ADAMTS17: variants seen among roughly 807,000 people sequenced by gnomAD.
ADAMTS17 encodes the protein A disintegrin and metalloproteinase with thrombospondin motifs 17.
In ADAMTS17, 113 loss-of-function variants were observed where a neutral mutation model predicts 141.5. The observed-to-expected ratio is 0.80, with a 90% CI of 0.69 to 0.93. The LOEUF (loss-of-function observed/expected upper bound fraction) is 0.93, where lower values mean the gene tolerates loss of function less well. Ranked by LOEUF, ADAMTS17 falls within the 40% of genes least tolerant of loss-of-function variation. The pLI, the probability that ADAMTS17 is intolerant of heterozygous loss-of-function variation, is 0.00. For synonymous variants in ADAMTS17, 768 were observed against 630.6 expected (o/e 1.22, Z -3.27); for missense variants, 1,659 against 1,517.9 (o/e 1.09, Z -1.54).
chr15:100,170,969 T>C (rs2040137179), intron 8 of ADAMTS17, among the ~76,000 whole-genome samples: 1 of 152,172 alleles, frequency 6.6e-6, no homozygotes, highest in Admixed American at 6.5e-5. Context: ...GGTTGTGAGA[T>C]GAAAATTGAG....
intron 7 of ADAMTS17, among the ~76,000 whole-genome samples, chr15:100,230,738 A>G (rs2042454330): frequency 6.6e-6 from 1 of 152,216 alleles, no homozygotes; most frequent in Admixed American, 6.5e-5. Context: ...GAAGGCACCA[A>G]TAGTGGGTAA....
At chr15:100,174,336 G>T (rs1371467529) in intron 8 of ADAMTS17, among the ~76,000 whole-genome samples, 1 of 150,878 alleles carries the variant, frequency 6.6e-6, no homozygotes, top group East Asian at 1.9e-4. Flanking sequence ...TAGATAGTCT[G>T]CCCTGACAGG....
At chr15:100,233,549 T>A (rs947913447) in intron 7 of ADAMTS17, among the ~76,000 whole-genome samples, 1 of 152,138 alleles carries the variant, frequency 6.6e-6, no homozygotes, top group African/African-American at 2.4e-5. Context: ...GTTGTATTAA[T>A]AAAACTCATT....
intron 15 of ADAMTS17, among the ~76,000 whole-genome samples, chr15:100,065,206 C>G (rs1412258625): frequency 6.6e-6 from 1 of 152,066 alleles, no homozygotes; most frequent in African/African-American, 2.4e-5. Context: ...TGGTGACCAG[C>G]CTTTTCAACA....
chr15:100,229,032 C>T (rs1367116955), intron 7 of ADAMTS17, among the ~76,000 whole-genome samples: 1 of 152,190 alleles, frequency 6.6e-6, no homozygotes, highest in Non-Finnish European at 1.5e-5. Flanking sequence ...ATTTGGGCCC[C>T]CTTCTCCAAT....
rs145518194 is a variant in ADAMTS17 at position 99,992,384 on chromosome 15, A to G, written c.2949+664T>C. Among the ~76,000 whole-genome samples, 1,314 of 152,296 alleles carry G rather than the reference A, an allele frequency of 8.6e-3. 30 individuals carry two copies. Among genetic ancestry groups the G allele is most frequent in the African/African-American group, 0.029 (1,206 of 41,554 alleles). On this transcript the variant is annotated intron_variant, in intron 20 of 21. Transcript: ENST00000268070. ...GGAGGAGTGGTACAGATTTTGTGAG[A>G]AGAGTCTAGAAAACCCACTAGAAGG... is the stretch of plus-strand genomic sequence containing the variant.
At chr15:100,041,812 C>T (rs2031282230) in intron 18 of ADAMTS17, among the ~76,000 whole-genome samples, 1 of 151,716 alleles carries the variant, frequency 6.6e-6, no homozygotes, top group Non-Finnish European at 1.5e-5. Context: ...GTTGGGAAGG[C>T]AAAGGAAACT....
At chr15:100,096,524 G>A (rs1435315621) in intron 14 of ADAMTS17, 48 bp from the exon 15 acceptor site, 9 of 1,613,186 alleles carry the variant, frequency 5.6e-6, no homozygotes, top group Non-Finnish European at 7.6e-6. Context: ...ACTCAGAGGA[G>A]TTTTAAAGAG....
At chr15:100,175,416 G>A (rs1032504938) in intron 8 of ADAMTS17, among the ~76,000 whole-genome samples, 6 of 152,150 alleles carry the variant, frequency 3.9e-5, no homozygotes, top group African/African-American at 1.4e-4. Flanking sequence ...GACTGAGGCA[G>A]TAGAGCGCTC....
intron 18 of ADAMTS17, among the ~76,000 whole-genome samples, chr15:100,034,422 T>C (rs1195100593): frequency 6.6e-6 from 1 of 152,198 alleles, no homozygotes. Flanking sequence ...TGCAGAGGCC[T>C]GGCCGGCCAA....
intron 15 of ADAMTS17, among the ~76,000 whole-genome samples, chr15:100,080,294 T>C (rs2034645820): frequency 6.6e-6 from 1 of 152,182 alleles, no homozygotes; most frequent in Non-Finnish European, 1.5e-5. Flanking sequence ...TCCTCCCACC[T>C]TTAAGTCAAC....
intron 4 of ADAMTS17, among the ~76,000 whole-genome samples, chr15:100,277,318 C>A (rs951889642): frequency 4.3e-4 from 65 of 151,948 alleles, no homozygotes; most frequent in Non-Finnish European, 8.4e-4. Context: ...CAGAGCCCTT[C>A]AGTCTTTACG....
At chr15:100,205,563 C>A (rs2041510364) in intron 7 of ADAMTS17, among the ~76,000 whole-genome samples, 1 of 152,180 alleles carries the variant, frequency 6.6e-6, no homozygotes, top group Non-Finnish European at 1.5e-5. Context: ...CACAGTGTGC[C>A]TCTCTTCGGA....
At chr15:100,141,521 C>A (rs990553930) in intron 10 of ADAMTS17, among the ~76,000 whole-genome samples, 2 of 152,188 alleles carry the variant, frequency 1.3e-5, no homozygotes, top group African/African-American at 4.8e-5. Context: ...AGTGACTCAT[C>A]CAAATTTTCC....
chr15:100,123,402 A>T (rs867194470), intron 12 of ADAMTS17, among the ~76,000 whole-genome samples: 3 of 152,204 alleles, frequency 2.0e-5, no homozygotes, highest in African/African-American at 7.2e-5. Context: ...CCAGGAGCTG[A>T]AGGTGGGTCC....
rs192664574 is a variant in ADAMTS17 at position 100,224,389 on chromosome 15, T to C, written c.1076-24966A>G. Among the ~76,000 whole-genome samples, 698 of 152,240 alleles carry C rather than the reference T, an allele frequency of 4.6e-3. 4 individuals carry two copies. Among genetic ancestry groups the C allele is most frequent in the African/African-American group, 0.015 (638 of 41,526 alleles). The stretch of plus-strand genomic sequence containing the variant: ...GAGGCTTTGGTGGGCGGTAACTTCC[T>C]CCTTTGCAGCCAGCCATTTGTGATT... On this transcript the variant is annotated intron_variant, in intron 7 of 21. Transcript: ENST00000268070.
rs374855646 is a variant in ADAMTS17 at position 100,199,432 on chromosome 15, G to C, written c.1076-9C>G. The C allele has an allele frequency of 1.9e-6, 3 of 1,612,822 alleles. No homozygotes were observed. In the South Asian group the frequency reaches 3.3e-5, roughly 18 times the overall value. The stretch of plus-strand genomic sequence containing the variant: ...TCCTAAGTAAGCAATTCCTGCAGCA[G>C]AGACACAAAACACATCCTCTTCAGA... On this transcript the variant is annotated splice_polypyrimidine_tract_variant and intron_variant, in intron 7 of 21. Coordinates refer to ENST00000268070, the MANE Select transcript of ADAMTS17 (RefSeq NM_139057.4).
At chr15:100,184,367 ATGT>A (rs2040630502) in intron 8 of ADAMTS17, among the ~76,000 whole-genome samples, 1 of 152,086 alleles carries the variant, frequency 6.6e-6, no homozygotes, top group Non-Finnish European at 1.5e-5. Context: ...AGAATTCACC[ATGT>A]TGTCGTTCTC....
chr15:100,022,329 C>T (rs1259164272), intron 18 of ADAMTS17, among the ~76,000 whole-genome samples: 1 of 152,190 alleles, frequency 6.6e-6, no homozygotes, highest in East Asian at 1.9e-4. Flanking sequence ...GTGGACCCCA[C>T]TAAGGCAGCG....
Sources: gnomAD v4.1 joint callset for allele counts (sites outside exome capture counted in the v4.1 genomes callset) on GRCh38, gnomAD v4.1.1 for gene constraint, MANE v1.5 for transcripts, NCBI Gene and HGNC (gene_info 2026-07-23, HGNC 2026-07-21) for gene names.